Variants in NCALD observed in about 807,000 individuals in gnomAD.
NCALD encodes the protein neurocalcin delta.
In NCALD, 10 loss-of-function variants were observed where a neutral mutation model predicts 18.6. The ratio of observed to expected loss-of-function variants is 0.54; its 90% confidence interval spans 0.33 to 0.91. The LOEUF is 0.91. Ranked by LOEUF, NCALD falls within the 40% of genes least tolerant of loss-of-function variation. The pLI is 0.03. For missense variants in NCALD, 184 were observed against 247.6 expected (o/e 0.74, Z 1.72); for synonymous variants, 88 against 87.4 (o/e 1.01, Z -0.04).
At chr8:101,833,678 C>A (rs1814286127) in intron 4 of NCALD, among the ~76,000 whole-genome samples, 1 of 147,242 alleles carries the variant, frequency 6.8e-6, no homozygotes, top group Admixed American at 6.8e-5. Flanking sequence ...ATTAACCCCC[C>A]AGCTCGGATA....
At chr8:101,712,793 C>T (rs751760075) in intron 2 of NCALD, among the ~76,000 whole-genome samples, 6 of 152,026 alleles carry the variant, frequency 3.9e-5, no homozygotes, top group Non-Finnish European at 8.8e-5. Context: ...TTCTTAGAGA[C>T]CTACAAAGAG....
At chr8:101,882,673 T>C (rs1418070380) in intron 4 of NCALD, among the ~76,000 whole-genome samples, 6 of 152,184 alleles carry the variant, frequency 3.9e-5, no homozygotes, top group Non-Finnish European at 7.4e-5. Flanking sequence ...TTATTATGCC[T>C]CCCTTTGATA....
intron 1 of NCALD, among the ~76,000 whole-genome samples, chr8:102,100,599 A>G (rs1163381973): frequency 6.6e-6 from 1 of 152,226 alleles, no homozygotes; most frequent in African/African-American, 2.4e-5. Flanking sequence ...GAGAGTTTAC[A>G]CACATGTTCA....
At chr8:101,692,514 G>A (rs1814775715) in intron 3 of NCALD, 3 of 985,430 alleles carry the variant, frequency 3.0e-6, no homozygotes, top group Non-Finnish European at 3.6e-6. Flanking sequence ...TGGTTTCTTG[G>A]TTCCTTTCAT....
chr8:101,692,373 T>A, intron 3 of NCALD: 1 of 985,342 alleles, frequency 1.0e-6, no homozygotes, highest in East Asian at 1.1e-4. Flanking sequence ...TTTGGCAGGC[T>A]GGAGTGAAAG....
chr8:101,736,638 T>C (rs762654184), intron 1 of NCALD, among the ~76,000 whole-genome samples: 1 of 152,028 alleles, frequency 6.6e-6, no homozygotes, highest in South Asian at 2.1e-4. Flanking sequence ...TGAGTGGAAA[T>C]GGTAGCTATG....
chr8:101,798,701 T>G (rs6468798), intron 4 of NCALD, among the ~76,000 whole-genome samples: 120,683 of 152,138 alleles, frequency 0.79, 47,986 homozygotes, highest in African/African-American at 0.83. Context: ...ATAGCTGAAA[T>G]AACTTTGAAA....
chr8:101,841,046 CA>C (rs1814624456), intron 4 of NCALD, among the ~76,000 whole-genome samples: 1 of 152,146 alleles, frequency 6.6e-6, no homozygotes, highest in Admixed American at 6.5e-5. Flanking sequence ...ACCATAATTT[CA>C]TATTTTTAGT....
At chr8:101,928,410 G>C (rs1337458055) in intron 2 of NCALD, among the ~76,000 whole-genome samples, 1 of 152,064 alleles carries the variant, frequency 6.6e-6, no homozygotes, top group African/African-American at 2.4e-5. Flanking sequence ...GGACCACAGA[G>C]ATCCTGTTAA....
At chr8:101,821,393 G>A (rs1563800545) in intron 4 of NCALD, among the ~76,000 whole-genome samples, 1 of 152,122 alleles carries the variant, frequency 6.6e-6, no homozygotes, top group Non-Finnish European at 1.5e-5. Context: ...TGATAGGTAG[G>A]TATTATCTCC....
At chr8:102,019,168 C>T (rs1748938500) in intron 2 of NCALD, among the ~76,000 whole-genome samples, 1 of 151,782 alleles carries the variant, frequency 6.6e-6, no homozygotes, top group Non-Finnish European at 1.5e-5. Flanking sequence ...AAATGGTGCC[C>T]CACCTCATTA....
chr8:102,001,760 C>T (rs559435021), intron 2 of NCALD, among the ~76,000 whole-genome samples: 34 of 152,294 alleles, frequency 2.2e-4, no homozygotes, highest in Middle Eastern at 3.4e-3. Context: ...CCCAGAATTT[C>T]ATATCCAGCC....
At chr8:102,034,020 A>G (rs1467637834) in intron 1 of NCALD, among the ~76,000 whole-genome samples, 1 of 145,276 alleles carries the variant, frequency 6.9e-6, no homozygotes, top group Non-Finnish European at 1.5e-5. Flanking sequence ...CTAAATACAC[A>G]CACACACACA....
intron 1 of NCALD, among the ~76,000 whole-genome samples, chr8:102,080,976 C>T (rs996585984): frequency 1.3e-5 from 2 of 152,154 alleles, no homozygotes; most frequent in African/African-American, 4.8e-5. Flanking sequence ...TTTTTTCCCC[C>T]AAAGTGTGGT....
chr8:101,867,373 G>A (rs561270383), intron 4 of NCALD, among the ~76,000 whole-genome samples: 13 of 152,184 alleles, frequency 8.5e-5, no homozygotes, highest in Middle Eastern at 3.4e-3. Context: ...CTTATTCACC[G>A]CTTTCCCCCC....
At chr8:102,066,826 G>A (rs1177948339) in intron 1 of NCALD, among the ~76,000 whole-genome samples, 1 of 152,208 alleles carries the variant, frequency 6.6e-6, no homozygotes, top group African/African-American at 2.4e-5. Context: ...TTCAGAAAGA[G>A]AGTGTGCACA....
At chr8:101,781,292 C>G in intron 1 of NCALD, among the ~76,000 whole-genome samples, 1 of 152,252 alleles carries the variant, frequency 6.6e-6, no homozygotes, top group East Asian at 1.9e-4. Flanking sequence ...GGGAGACTTT[C>G]TAGTCCTAGT....
intron 2 of NCALD, among the ~76,000 whole-genome samples, chr8:101,985,300 G>C (rs1216712089): frequency 6.6e-6 from 1 of 152,116 alleles, no homozygotes. Flanking sequence ...GCCTCCACTC[G>C]ACCCACCCCA....
chr8:102,052,960 G>A (rs1162536150), intron 1 of NCALD, among the ~76,000 whole-genome samples: 1 of 152,206 alleles, frequency 6.6e-6, no homozygotes, highest in East Asian at 1.9e-4. Context: ...TTCTTAGCCT[G>A]AGGGTCATAC....
Sources: gnomAD v4.1 joint callset for allele counts (sites outside exome capture counted in the v4.1 genomes callset) on GRCh38, gnomAD v4.1.1 for gene constraint, MANE v1.5 for transcripts, NCBI Gene and HGNC (gene_info 2026-07-23, HGNC 2026-07-21) for gene names.